The following LCA5L variants were observed in gnomAD, a reference collection of about 807,000 sequenced individuals.
LCA5L encodes the protein lebercilin-like protein.
In LCA5L, 35 loss-of-function variants were observed where a neutral mutation model predicts 45.4. The ratio of observed to expected loss-of-function variants is 0.77; its 90% CI spans 0.59 to 1.02. LCA5L has a LOEUF of 1.02. LCA5L is among the 50% of genes least tolerant of loss of function. LCA5L has a pLI of 0.00. For synonymous variants in LCA5L, 233 were observed against 264.7 expected, an observed-to-expected ratio of 0.88 and a Z score of 1.16; for missense variants, 668 against 761.6, an observed-to-expected ratio of 0.88 and a Z score of 1.45.
intron 3 of LCA5L, among the ~76,000 whole-genome samples, chr21:39,431,611 G>A (rs112894000): frequency 0.23 from 34,867 of 151,748 alleles, 4,499 homozygotes; most frequent in African/African-American, 0.35. Context: ...TCTGCCTCCC[G>A]GGTTCAAGCG....
intron 7 of LCA5L, among the ~76,000 whole-genome samples, chr21:39,412,346 T>A (rs1601723297): frequency 6.6e-6 from 1 of 152,196 alleles, no homozygotes; most frequent in Non-Finnish European, 1.5e-5. Context: ...GTATCATTGT[T>A]CCATTTTAAA....
intron 7 of LCA5L, 42 bp downstream of exon 7, chr21:39,420,664 G>C (rs750905396): frequency 1.3e-6 from 2 of 1,555,472 alleles, no homozygotes; most frequent in African/African-American, 2.7e-5. Flanking sequence ...TATATTTCGG[G>C]AAACAGGATT....
chr21:39,411,822 C>T lies in LCA5L; in HGVS notation c.976-20G>A. The T allele has an allele frequency of 2.8e-6, 4 of 1,415,214 alleles. No individual in the cohort carries two copies. Among genetic ancestry groups the T allele is most frequent in the Non-Finnish European group, 3.9e-6 (4 of 1,016,454 alleles). 87.7% of individuals were successfully genotyped at this position (1,415,214 alleles called of 1,614,324 possible). A position where few individuals can be genotyped will look rare whatever the true frequency, so the allele number is the denominator to read the frequency against. ...CTTTTCCTAAAAAGAACCACAAAAC[C>T]AATTTTTCTATAAATGCTTGCTTTT... On this transcript the variant is annotated intron_variant, in intron 7 of 10. Transcript: ENST00000288350.
rs1358421924 is a variant in LCA5L at position 39,406,410 on chromosome 21, T to G, written c.1485A>C (p.Arg495Ser). ...EDVLVREKFK[R>S]SMQRNGVDDT... ...CATCCACACCATTTCTCTGCATGCTTCTTTTAAACTTTTCTCTTACTAGAA... is the reference window on the plus strand; with the variant it reads ...CATCCACACCATTTCTCTGCATGCTGCTTTTAAACTTTTCTCTTACTAGAA... Residue 495 changes from arginine to serine, a missense_variant, in exon 11 of 11, where the codon AGA becomes AGC. Transcript: ENST00000288350. The G allele has an allele frequency of 6.8e-6, 11 of 1,613,842 alleles. No individual in the cohort carries two copies. The highest frequency in any genetic ancestry group is 5.5e-5 in the South Asian group (5 of 91,082).
intron 2 of LCA5L, among the ~76,000 whole-genome samples, chr21:39,437,079 T>C (rs2148189178): frequency 6.6e-6 from 1 of 152,304 alleles, no homozygotes; most frequent in Admixed American, 6.5e-5. Context: ...CCAATAAATA[T>C]TGATCAAATA....
At chr21:39,408,924 T>G (rs1456514069) in intron 10 of LCA5L, among the ~76,000 whole-genome samples, 1 of 152,246 alleles carries the variant, frequency 6.6e-6, no homozygotes, top group African/African-American at 2.4e-5. Context: ...CAGCTGGATT[T>G]GAATAATTTG....
chr21:39,441,485 A>G (rs892651280), intron 2 of LCA5L, among the ~76,000 whole-genome samples: 5 of 152,220 alleles, frequency 3.3e-5, no homozygotes, highest in African/African-American at 1.2e-4. Context: ...AAATCCATAA[A>G]TGAAATATAC....
intron 5 of LCA5L, 120 bp from the exon 6 acceptor site, chr21:39,423,610 G>A (rs80142423): frequency 2.0e-5 from 16 of 804,860 alleles, no homozygotes; most frequent in East Asian, 1.1e-4. Flanking sequence ...ACACACAAGC[G>A]TAAGTGTAAC....
In LCA5L at chr21:39,405,869, A is replaced by G; in HGVS notation, c.*13T>C. 3 of 1,529,516 alleles carry G rather than the reference A, an allele frequency of 2.0e-6. No homozygotes were observed. Among genetic ancestry groups the G allele is most frequent in the Non-Finnish European group, 2.7e-6 (3 of 1,127,822 alleles). 94.7% of individuals were successfully genotyped at this position (1,529,516 alleles called of 1,614,324 possible). On this transcript the variant is annotated 3_prime_UTR_variant, in exon 11 of 11. Transcript: ENST00000288350. ...TTATATCAAACCAGAATGCATTAGG[A>G]TATTGATTATATTTAAATAATTATT...
intron 3 of LCA5L, among the ~76,000 whole-genome samples, chr21:39,433,290 C>G (rs1254306570): frequency 6.6e-6 from 1 of 151,890 alleles, no homozygotes; most frequent in East Asian, 1.9e-4. Flanking sequence ...TGGTGGCGGG[C>G]GCCTATAATC....
intron 4 of LCA5L, 26 bp from the exon 5 acceptor site, chr21:39,428,529 T>A (rs756068258): frequency 1.6e-6 from 2 of 1,247,012 alleles, no homozygotes; most frequent in African/African-American, 1.6e-5. Context: ...TAAAACCTAA[T>A]AAAAGTATTT....
chr21:39,421,952 T>G (rs976840445), intron 6 of LCA5L: 9 of 152,236 alleles, frequency 5.9e-5, no homozygotes, highest in Admixed American at 5.2e-4. Flanking sequence ...GATACATACA[T>G]GAAAACAGAT....
chr21:39,419,090 A>C (rs1023323664), intron 7 of LCA5L, among the ~76,000 whole-genome samples: 1 of 152,104 alleles, frequency 6.6e-6, no homozygotes. Context: ...CCCAGTTCTC[A>C]ATGATACCAA....
intron 10 of LCA5L, chr21:39,408,469 T>A (rs2039485324): frequency 6.6e-6 from 1 of 152,278 alleles, no homozygotes; most frequent in Non-Finnish European, 1.5e-5. Flanking sequence ...GGATGTTAGC[T>A]GCACACCAGA....
intron 7 of LCA5L, among the ~76,000 whole-genome samples, chr21:39,412,275 G>C (rs1283019817): frequency 6.6e-6 from 1 of 152,182 alleles, no homozygotes; most frequent in Non-Finnish European, 1.5e-5. Flanking sequence ...CCATCTAATA[G>C]AAAGTTCTAT....
In LCA5L at chr21:39,432,156, A is replaced by G. The variant is rs111536468; in HGVS notation, c.-91-2945T>C. Among the ~76,000 whole-genome samples, 826 of 152,358 alleles carry G rather than the reference A, an allele frequency of 5.4e-3. 9 individuals are homozygous for G. Among genetic ancestry groups the G allele is most frequent in the African/African-American group, 0.019 (773 of 41,576 alleles). Reference sequence around the variant, plus strand: ...AATATATTTACAACTTGGTAAGATCAGTGTATAAACTGACTGGCCCAGTGT... The same window carrying G: ...AATATATTTACAACTTGGTAAGATCGGTGTATAAACTGACTGGCCCAGTGT... On this transcript the variant is annotated intron_variant, in intron 3 of 10. Coordinates refer to ENST00000288350, the MANE Select transcript of LCA5L (RefSeq NM_152505.4).
Position 39,444,144 on chromosome 21 carries a change from T to C in LCA5L, c.-255A>G, listed in dbSNP as rs969218033. 3 of 152,226 alleles carry C rather than the reference T, an allele frequency of 2.0e-5. No homozygotes were observed. Among genetic ancestry groups the C allele is most frequent in the South Asian group, 4.1e-4 (2 of 4,826 alleles). The allele number at this position is 152,226 out of a possible 1,614,324, so 9.4% of individuals were successfully genotyped here. The stretch of plus-strand genomic sequence containing the variant: ...GCACCCAGGTACTTACTATTCAAAA[T>C]GATCAGCATACGGATGATCATTTGT... On this transcript the variant is annotated 5_prime_UTR_variant, in exon 2 of 11. Coordinates refer to ENST00000288350, the MANE Select transcript of LCA5L (RefSeq NM_152505.4).
At chr21:39,443,197 G>C (rs2077046696) in intron 2 of LCA5L, among the ~76,000 whole-genome samples, 1 of 152,216 alleles carries the variant, frequency 6.6e-6, no homozygotes, top group Non-Finnish European at 1.5e-5. Context: ...TAGAGGCATT[G>C]AATATGGCAG....
chr21:39,419,921 AT>A (rs1237609392), intron 7 of LCA5L, among the ~76,000 whole-genome samples: 2 of 152,210 alleles, frequency 1.3e-5, no homozygotes, highest in African/African-American at 4.8e-5. Context: ...CAGTATACAT[AT>A]TTTTAAGACA....
Sources: gnomAD v4.1 joint callset for allele counts (sites outside exome capture counted in the v4.1 genomes callset) on GRCh38, gnomAD v4.1.1 for gene constraint, MANE v1.5 for transcripts, NCBI Gene and HGNC (gene_info 2026-07-23, HGNC 2026-07-21) for gene names.